CNTNAP5: variants seen among roughly 807,000 people sequenced by gnomAD.
The protein encoded by CNTNAP5 is contactin-associated protein-like 5.
CNTNAP5 carries 72 observed loss-of-function variants against 150.2 expected under a neutral mutation model. The ratio of observed to expected loss-of-function variants is 0.48; its 90% CI spans 0.40 to 0.58. The LOEUF is 0.58. Ranked by LOEUF, CNTNAP5 falls within the 20% of genes least tolerant of loss-of-function variation. CNTNAP5 has a pLI of 0.00. For missense variants in CNTNAP5, 1,636 were observed against 1,626.2 expected, an observed-to-expected ratio of 1.01 and a Z score of -0.10; for synonymous variants, 672 against 619.8, an observed-to-expected ratio of 1.08 and a Z score of -1.25.
intron 19 of CNTNAP5, among the ~76,000 whole-genome samples, chr2:124,844,103 G>GT (rs1177757157): frequency 6.6e-6 from 1 of 152,008 alleles, no homozygotes; most frequent in Non-Finnish European, 1.5e-5. Flanking sequence ...GTCTAGAAGA[G>GT]TTTTTTTCAA....
chr2:124,914,156 C>T lies in CNTNAP5; in HGVS notation c.3792C>T (p.Tyr1264=), dbSNP rs951607406. ...TCGGCATCATGACCCGGTTCCTCTA[C>T]CAGCACAAGCAGTCACATCGTACGA... ...CIIGIMTRFL[Y]QHKQSHRTSQ... is the part of the protein sequence containing the mutation. The change falls in exon 24 of 24, where the codon TAC becomes TAT. Residue 1264 remains tyrosine, a synonymous_variant. Transcript: ENST00000682447. 3 of 1,612,392 alleles carry T rather than the reference C, an allele frequency of 1.9e-6. No homozygotes were observed. In the African/African-American group the frequency reaches 4.0e-5, roughly 22 times the overall value.
chr2:124,333,986 T>A (rs1689411784), intron 3 of CNTNAP5, among the ~76,000 whole-genome samples: 1 of 151,982 alleles, frequency 6.6e-6, no homozygotes, highest in Admixed American at 6.6e-5. Flanking sequence ...GAGTGTCCTC[T>A]TACAGTACAA....
At chr2:124,566,625 C>T (rs1489655152) in intron 11 of CNTNAP5, among the ~76,000 whole-genome samples, 1 of 152,220 alleles carries the variant, frequency 6.6e-6, no homozygotes, top group Non-Finnish European at 1.5e-5. Context: ...TCTATCTTTG[C>T]TTCTGGGCAC....
chr2:124,462,635 T>C (rs1693280557), intron 6 of CNTNAP5, among the ~76,000 whole-genome samples: 1 of 152,142 alleles, frequency 6.6e-6, no homozygotes, highest in African/African-American at 2.4e-5. Flanking sequence ...AATAAGACAT[T>C]TGGAGACTGG....
At chr2:124,872,343 A>C (rs1358770503) in intron 21 of CNTNAP5, among the ~76,000 whole-genome samples, 1 of 138,518 alleles carries the variant, frequency 7.2e-6, no homozygotes, top group Non-Finnish European at 1.6e-5. Flanking sequence ...CTGTTTTCTA[A>C]ATTTTTCCTG....
chr2:124,562,618 CAGAATAG>C (rs1558955290), intron 10 of CNTNAP5, among the ~76,000 whole-genome samples: 1 of 152,004 alleles, frequency 6.6e-6, no homozygotes, highest in Non-Finnish European at 1.5e-5. Context: ...AAATATTTTT[CAGAATAG>C]CCATGTTATT....
intron 1 of CNTNAP5, among the ~76,000 whole-genome samples, chr2:124,054,555 C>A (rs750424567): frequency 2.0e-5 from 3 of 151,842 alleles, no homozygotes; most frequent in Non-Finnish European, 2.9e-5. Flanking sequence ...GCAAGACCTG[C>A]AGAAAAAGGA....
chr2:124,162,839 G>GT (rs35916197), intron 1 of CNTNAP5, among the ~76,000 whole-genome samples: 15,959 of 152,120 alleles, frequency 0.1, 988 homozygotes, highest in Middle Eastern at 0.21. Flanking sequence ...TTCAAGGCAT[G>GT]TTTTTTATGC....
chr2:124,325,721 G>A (rs2553628), intron 3 of CNTNAP5, among the ~76,000 whole-genome samples: 55,609 of 152,014 alleles, frequency 0.37, 10,760 homozygotes, highest in Middle Eastern at 0.4. Flanking sequence ...AGGCCATTTC[G>A]AAGCTTCCTT....
intron 12 of CNTNAP5, among the ~76,000 whole-genome samples, chr2:124,612,694 T>C (rs573507966): frequency 6.6e-6 from 1 of 152,282 alleles, no homozygotes; most frequent in East Asian, 1.9e-4. Context: ...TGAATATGAT[T>C]TTTTTGGGTC....
intron 3 of CNTNAP5, among the ~76,000 whole-genome samples, chr2:124,268,290 CCCTTT>C (rs1278045009): frequency 6.6e-6 from 1 of 152,124 alleles, no homozygotes; most frequent in African/African-American, 2.4e-5. Context: ...GTTTTCCCTT[CCCTTT>C]GAGTGTCGAT....
chr2:124,084,143 ATATTT>A (rs1342098805), intron 1 of CNTNAP5, among the ~76,000 whole-genome samples: 3 of 152,090 alleles, frequency 2.0e-5, no homozygotes, highest in Non-Finnish European at 4.4e-5. Flanking sequence ...ATTGCAAATG[ATATTT>A]TATTTTATTT....
chr2:124,028,002 T>G (rs1680945289), intron 1 of CNTNAP5, among the ~76,000 whole-genome samples: 1 of 152,196 alleles, frequency 6.6e-6, no homozygotes, highest in Admixed American at 6.5e-5. Flanking sequence ...GACTTGGGTT[T>G]ATTTTTATCT....
chr2:124,441,663 G>A (rs964592365), intron 5 of CNTNAP5, among the ~76,000 whole-genome samples: 14 of 151,842 alleles, frequency 9.2e-5, no homozygotes, highest in Non-Finnish European at 1.8e-4. Context: ...TTCATCTGGT[G>A]AGTCTACATA....
At chr2:124,037,457 A>T (rs762673510) in intron 1 of CNTNAP5, among the ~76,000 whole-genome samples, 7 of 152,246 alleles carry the variant, frequency 4.6e-5, no homozygotes, top group Non-Finnish European at 8.8e-5. Flanking sequence ...AGATTAATGG[A>T]TAAAAAGTGC....
chr2:124,664,859 G>A (rs1402301625), intron 13 of CNTNAP5, among the ~76,000 whole-genome samples: 1 of 152,136 alleles, frequency 6.6e-6, no homozygotes, highest in Admixed American at 6.6e-5. Flanking sequence ...CCTCATTTTT[G>A]TATTTTTAGT....
chr2:124,220,029 T>G (rs1686264285), intron 1 of CNTNAP5, among the ~76,000 whole-genome samples: 1 of 152,144 alleles, frequency 6.6e-6, no homozygotes, highest in Non-Finnish European at 1.5e-5. Flanking sequence ...GATTTTTTAA[T>G]ACACTTAATG....
intron 13 of CNTNAP5, among the ~76,000 whole-genome samples, chr2:124,689,510 TACATGTGTATGCAC>T (rs1161114742): frequency 6.6e-6 from 1 of 152,164 alleles, no homozygotes; most frequent in African/African-American, 2.4e-5. Flanking sequence ...TCTGCATGTA[TACATGTGTATGCAC>T]ACATGTGTTT....
intron 10 of CNTNAP5, among the ~76,000 whole-genome samples, chr2:124,553,925 G>A (rs1573454932): frequency 6.6e-6 from 1 of 152,266 alleles, no homozygotes; most frequent in Non-Finnish European, 1.5e-5. Context: ...GCCAAAGGTG[G>A]GATTTAAGAA....
Sources: gnomAD v4.1 joint callset for allele counts (sites outside exome capture counted in the v4.1 genomes callset) on GRCh38, gnomAD v4.1.1 for gene constraint, MANE v1.5 for transcripts, NCBI Gene and HGNC (gene_info 2026-07-23, HGNC 2026-07-21) for gene names.